NMT2: variants seen among roughly 807,000 people sequenced by gnomAD.
NMT2 encodes N-myristoyltransferase 2.
A neutral mutation model predicts 65.4 loss-of-function variants in NMT2; 35 were observed. The ratio of observed to expected loss-of-function variants is 0.54; its 90% CI spans 0.41 to 0.71. The LOEUF (loss-of-function observed/expected upper bound fraction) is 0.71, where lower values mean the gene tolerates loss of function less well. Ranked by LOEUF, NMT2 falls within the 30% of genes least tolerant of loss-of-function variation. NMT2 has a pLI of 0.00. For missense variants in NMT2, 489 were observed against 611.3 expected (o/e 0.80, Z 2.11); for synonymous variants, 226 against 231.8 (o/e 0.98, Z 0.23).
rs915782570 is a variant in NMT2, at chr10:15,147,256, C to T, written c.111-5699G>A. Among the ~76,000 whole-genome samples the T allele has an allele frequency of 4.0e-5, 6 of 151,360 alleles. No homozygotes were observed. The South Asian group carries it at 1.0e-3, about 26-fold the overall frequency. On this transcript the variant is annotated intron_variant, in intron 1 of 11. Transcript: ENST00000378165. ...CCTCTCTACTGTGAAATACAAGAAA[C>T]ATTAGTGGTTTGAGACTAATTATTT... is the stretch of plus-strand genomic sequence containing the variant.
chr10:15,120,812 C>T (rs1193182471), intron 8 of NMT2, among the ~76,000 whole-genome samples: 5 of 152,210 alleles, frequency 3.3e-5, no homozygotes, highest in Non-Finnish European at 7.3e-5. Context: ...CCATACCAGC[C>T]TGAAAGTGTC....
Position 15,107,166 on chromosome 10 carries a change from C to G in NMT2, c.*2029G>C, listed in dbSNP as rs11819275. 1.1e-5 allele frequency: 2 copies of G among 185,622 alleles called. No individual in the cohort carries two copies. Among genetic ancestry groups the G allele is most frequent in the South Asian group, 3.6e-4 (2 of 5,480 alleles). 11.5% of individuals were successfully genotyped at this position (185,622 alleles called of 1,614,324 possible). On this transcript the variant is annotated 3_prime_UTR_variant, in exon 12 of 12. Transcript: ENST00000378165. ...CCAATAAAACCTTATTGAGGGACAC[C>G]GGAATTTGAATTTTGTGTAATTTGC...
At chr10:15,110,416 A>G (rs1397761324) in intron 10 of NMT2, among the ~76,000 whole-genome samples, 3 of 152,114 alleles carry the variant, frequency 2.0e-5, no homozygotes, top group African/African-American at 7.2e-5. Flanking sequence ...GGAATTTGAA[A>G]CCAGCCTGGG....
At chr10:15,122,407 G>A (rs548986589) in intron 8 of NMT2, among the ~76,000 whole-genome samples, 19 of 151,922 alleles carry the variant, frequency 1.3e-4, no homozygotes, top group Non-Finnish European at 2.5e-4. Flanking sequence ...TTTTGGTCTT[G>A]GGACCCTTTT....
At chr10:15,159,629 T>C (rs1020317037) in intron 1 of NMT2, among the ~76,000 whole-genome samples, 3 of 152,206 alleles carry the variant, frequency 2.0e-5, no homozygotes, top group Non-Finnish European at 4.4e-5. Context: ...GGTTTCACCA[T>C]GTAGCCCAGG....
intron 1 of NMT2, among the ~76,000 whole-genome samples, chr10:15,165,615 C>T (rs570125622): frequency 6.6e-6 from 1 of 152,230 alleles, no homozygotes; most frequent in Non-Finnish European, 1.5e-5. Context: ...CACTGGCTTA[C>T]ACCTGTAATC....
In NMT2 at chr10:15,106,983, T is replaced by A. The variant is rs1845326317; in HGVS notation, c.*2212A>T. Among the ~76,000 whole-genome samples the A allele has an allele frequency of 6.6e-6, 1 of 152,110 alleles. No individual in the cohort carries two copies. The highest frequency in any genetic ancestry group is 2.4e-5 in the African/African-American group (1 of 41,406). On this transcript the variant is annotated 3_prime_UTR_variant, in exon 12 of 12. Transcript: ENST00000378165. Reference sequence around the variant, plus strand: ...AGGCGTGGTGGTATGCACGCCCAGCTAGTTCTTTTTCTTCAAAAAGACGCT... The same window carrying A: ...AGGCGTGGTGGTATGCACGCCCAGCAAGTTCTTTTTCTTCAAAAAGACGCT...
At chr10:15,131,441 G>C (rs955113626) in intron 6 of NMT2, among the ~76,000 whole-genome samples, 4 of 151,260 alleles carry the variant, frequency 2.6e-5, no homozygotes, top group African/African-American at 9.7e-5. Context: ...GAATCACTAC[G>C]ACCTGCCCGT....
chr10:15,108,591 C>G lies in NMT2; in HGVS notation c.*604G>C, dbSNP rs1160301652. ...GTACAAACTTGCATGTTTATTGATT[C>G]GGCAACTCTGCTTATGGAGAAATAC... On this transcript the variant is annotated 3_prime_UTR_variant, in exon 12 of 12. Coordinates refer to ENST00000378165, the MANE Select transcript of NMT2 (RefSeq NM_004808.3). The G allele has an allele frequency of 1.0e-6, 1 of 985,812 alleles. No individual in the cohort carries two copies. Among genetic ancestry groups the G allele is most frequent in the Non-Finnish European group, 1.2e-6 (1 of 830,382 alleles). 61.1% of individuals were successfully genotyped at this position (985,812 alleles called of 1,614,324 possible).
intron 10 of NMT2, 87 bp downstream of exon 10, chr10:15,112,709 G>C (rs1182786035): frequency 7.8e-7 from 1 of 1,275,126 alleles, no homozygotes; most frequent in Non-Finnish European, 1.1e-6. Flanking sequence ...TTCCACCTGT[G>C]TGGAAGAAAA....
At chr10:15,125,597 C>T (rs983741016) in intron 8 of NMT2, among the ~76,000 whole-genome samples, 2 of 151,824 alleles carry the variant, frequency 1.3e-5, no homozygotes, top group Middle Eastern at 3.2e-3. Flanking sequence ...CAGCATTTGC[C>T]CATAGTGAAA....
At position 15,168,605 on chromosome 10, in the gene NMT2, T is replaced by G; in HGVS notation, c.8A>C (p.Glu3Ala). ...CTGGCTGGCCGCAGACTCGCTGTCC[T>G]CCGCCATCGCGGCGGCGCTGGCTGG... MA[E>A]DSESAASQQS... Residue 3 changes from glutamate to alanine, a missense_variant, in exon 1 of 12, where the codon GAG becomes GCG. Physicochemically the swap from Glu to Ala is moderately radical, Grantham distance 107 (BLOSUM62 -1). Transcript: ENST00000378165. 1 of 1,578,542 alleles carries G rather than the reference T, an allele frequency of 6.3e-7. No homozygotes were observed. Among genetic ancestry groups the G allele is most frequent in the Non-Finnish European group, 8.6e-7 (1 of 1,168,108 alleles).
intron 8 of NMT2, among the ~76,000 whole-genome samples, chr10:15,124,666 C>A (rs1388825583): frequency 6.6e-6 from 1 of 152,142 alleles, no homozygotes; most frequent in Non-Finnish European, 1.5e-5. Flanking sequence ...TCTTAAATAA[C>A]TTGACTGCTA....
At chr10:15,134,970 A>G (rs1846424061) in intron 3 of NMT2, among the ~76,000 whole-genome samples, 1 of 152,126 alleles carries the variant, frequency 6.6e-6, no homozygotes, top group African/African-American at 2.4e-5. Context: ...TGGGTGATAG[A>G]GTGAGACCCT....
chr10:15,155,459 T>C (rs12763986), intron 1 of NMT2: 7 of 477,402 alleles, frequency 1.5e-5, no homozygotes, highest in Non-Finnish European at 2.7e-5. Context: ...GCCTTGAACT[T>C]CCGGGCTCAA....
intron 1 of NMT2, chr10:15,155,296 T>G (rs756725360): frequency 7.4e-7 from 1 of 1,355,942 alleles, no homozygotes; most frequent in East Asian, 2.3e-5. Flanking sequence ...ATGGCGATGT[T>G]GAAGAACATG....
At chr10:15,141,859 T>A (rs73604562) in intron 1 of NMT2, among the ~76,000 whole-genome samples, 34,736 of 152,156 alleles carry the variant, frequency 0.23, 5,024 homozygotes, top group African/African-American at 0.42. Flanking sequence ...ATCACTACTC[T>A]CCTAATCTAC....
At chr10:15,127,573 AATAAAT>A (rs1846132459) in intron 8 of NMT2, among the ~76,000 whole-genome samples, 1 of 84,700 alleles carries the variant, frequency 1.2e-5, no homozygotes, top group Non-Finnish European at 2.0e-5. Flanking sequence ...AAAAAAAATA[AATAAAT>A]AAATAAATAA....
At chr10:15,139,970 C>T (rs1031824096) in intron 2 of NMT2, among the ~76,000 whole-genome samples, 16 of 144,624 alleles carry the variant, frequency 1.1e-4, no homozygotes, top group African/African-American at 3.0e-4. Context: ...ACCTCAAGAT[C>T]GAACTGCGAG....
Sources: gnomAD v4.1 joint callset for allele counts (sites outside exome capture counted in the v4.1 genomes callset) on GRCh38, gnomAD v4.1.1 for gene constraint, MANE v1.5 for transcripts, NCBI Gene and HGNC (gene_info 2026-07-23, HGNC 2026-07-21) for gene names.